PHKA2: variants seen among roughly 807,000 people sequenced by gnomAD.
PHKA2 encodes phosphorylase kinase regulatory subunit alpha 2.
PHKA2 carries 31 observed loss-of-function variants against 102.0 expected under a neutral mutation model. The ratio of observed to expected loss-of-function variants is 0.30; its 90% CI spans 0.23 to 0.41. The LOEUF (loss-of-function observed/expected upper bound fraction) is 0.41, where lower values mean the gene tolerates loss of function less well. PHKA2 is among the 10% of genes least tolerant of loss of function. The pLI, the probability that PHKA2 is intolerant of heterozygous loss-of-function variation, is 1.00. For synonymous variants in PHKA2, 455 were observed against 416.2 expected (o/e 1.09, Z -1.13); for missense variants, 858 against 1,023.1 (o/e 0.84, Z 2.20).
chrX:18,900,432 ATC>A (rs1435136194), intron 28 of PHKA2, among the ~76,000 whole-genome samples: 1 of 111,300 alleles, frequency 9.0e-6, no homozygotes, highest in East Asian at 2.8e-4. Flanking sequence ...AGCCTGGATG[ATC>A]TCTTTCACAA....
chrX:18,954,543 C>A, intron 1 of PHKA2, 131 bp from the exon 2 acceptor site: 1 of 565,213 alleles, frequency 1.8e-6, no homozygotes, highest in South Asian at 2.7e-5. Flanking sequence ...AGTCCTTGCT[C>A]TGCCCCTAAC....
At chrX:18,933,074 A>T (rs781518775) in intron 11 of PHKA2, among the ~76,000 whole-genome samples, 74 of 110,354 alleles carry the variant, frequency 6.7e-4, no homozygotes, top group African/African-American at 2.3e-3. Flanking sequence ...AGATTGTGCC[A>T]ATGCACTCCA....
chrX:18,979,909 G>A (rs1216954286), intron 1 of PHKA2, among the ~76,000 whole-genome samples: 1 of 111,428 alleles, frequency 9.0e-6, no homozygotes, highest in Non-Finnish European at 1.9e-5. Context: ...AAGAAAGAGA[G>A]ATCAGACTGT....
At chrX:18,931,828 G>C (rs2048321003) in intron 11 of PHKA2, 80 bp from the exon 12 acceptor site, 2 of 690,338 alleles carry the variant, frequency 2.9e-6, no homozygotes. Flanking sequence ...AATGCACTGA[G>C]GATTTATGAA....
intron 30 of PHKA2, chrX:18,895,500 G>C (rs928939903): frequency 6.4e-6 from 2 of 312,154 alleles, no homozygotes; most frequent in African/African-American, 2.6e-5. Flanking sequence ...CCGGGCGGCT[G>C]CGAGGCCCCT....
intron 10 of PHKA2, among the ~76,000 whole-genome samples, chrX:18,937,309 G>A (rs984188854): frequency 1.8e-5 from 2 of 111,045 alleles, no homozygotes; most frequent in Non-Finnish European, 3.8e-5. Context: ...CCAAGTAGAA[G>A]CTAAAGAGAT....
chrX:18,943,386 A>T (rs1397677861), intron 7 of PHKA2, among the ~76,000 whole-genome samples: 1 of 112,267 alleles, frequency 8.9e-6, no homozygotes, highest in Non-Finnish European at 1.9e-5. Context: ...CCTGAAAGAA[A>T]ACCATCTATG....
At chrX:18,906,230 C>T (rs1037389711) in intron 25 of PHKA2, among the ~76,000 whole-genome samples, 6 of 112,055 alleles carry the variant, frequency 5.4e-5, no homozygotes, top group East Asian at 5.6e-4. Flanking sequence ...ATGTCGGGTA[C>T]AGGGCGGAAG....
chrX:18,921,587 T>A (rs1481609921), intron 17 of PHKA2, among the ~76,000 whole-genome samples: 1 of 112,324 alleles, frequency 8.9e-6, no homozygotes, highest in Non-Finnish European at 1.9e-5. Context: ...ATAACTATAT[T>A]AATTTTATTT....
chrX:18,948,800 C>T lies in PHKA2; in HGVS notation c.481G>A (p.Glu161Lys). The T allele has an allele frequency of 8.4e-7, 1 of 1,194,066 alleles. No homozygotes were observed. The highest frequency in any genetic ancestry group is 1.1e-6 in the Non-Finnish European group (1 of 880,487). The change falls in exon 5 of 33, where the codon GAG becomes AAG. Residue 161 changes from glutamate (E) to lysine (K), a missense_variant. Glu to Lys is a moderately conservative substitution (Grantham distance 56, BLOSUM62 1). Transcript: ENST00000379942. Reference protein sequence around the residue: ...SGLRIIFTLDEVAFIQNLVFY... With the variant: ...SGLRIIFTLDKVAFIQNLVFY... The stretch of plus-strand genomic sequence containing the variant: ...ACAAGATTCTGTATGAAGGCCACCT[C>T]ATCGAGAGTGAAAATGATACGTAAG...
intron 12 of PHKA2, among the ~76,000 whole-genome samples, chrX:18,929,980 G>A (rs370815741): frequency 1.2e-4 from 14 of 112,520 alleles, no homozygotes; most frequent in African/African-American, 4.5e-4. Context: ...AAAGAGCGCT[G>A]CACAGAAAGG....
In PHKA2 at chrX:18,945,088, C is replaced by T; in HGVS notation, c.608G>A (p.Gly203Glu). Residue 203 changes from glycine (G) to glutamate (E), a missense_variant, in exon 6 of 33, where the codon GGA becomes GAA. Physicochemically the swap from Gly to Glu is moderately conservative, Grantham distance 98. Transcript: ENST00000379942. Reference sequence around the variant, plus strand: ...CAGGACAACTGTCACCTTGGCCATTCCTACGGAGCTTGCATTCAATTCCGG... The same window carrying T: ...CAGGACAACTGTCACCTTGGCCATTTCTACGGAGCTTGCATTCAATTCCGG... ...GIPELNASSV[G>E]MAKAALEAID... is the part of the protein sequence containing the mutation. 1 of 1,187,456 alleles carries T rather than the reference C, an allele frequency of 8.4e-7. No individual in the cohort carries two copies. Among genetic ancestry groups the T allele is most frequent in the Non-Finnish European group, 1.1e-6 (1 of 873,158 alleles).
At chrX:18,947,388 C>T (rs958321801) in intron 5 of PHKA2, among the ~76,000 whole-genome samples, 2 of 112,031 alleles carry the variant, frequency 1.8e-5, no homozygotes, top group African/African-American at 6.5e-5. Flanking sequence ...CCAAACCAGA[C>T]AGAAGCTCGG....
rs190750146 is a variant in PHKA2 at position 18,974,054 on chromosome X, G to A, written c.78+9801C>T. ...GGTGCTGGTGTGCCCTGCTTCCCTC[G>A]TTTTGATGGATGTGCTCCTCTCTAA... is the stretch of plus-strand genomic sequence containing the variant. On this transcript the variant is annotated intron_variant, in intron 1 of 32. Transcript: ENST00000379942. Among the ~76,000 whole-genome samples, 51 of 110,650 alleles carry A rather than the reference G, an allele frequency of 4.6e-4. No homozygotes were observed. In the South Asian group the frequency reaches 5.4e-3, roughly 12 times the overall value.
intron 4 of PHKA2, among the ~76,000 whole-genome samples, chrX:18,949,244 T>C (rs898511294): frequency 1.2e-4 from 13 of 111,109 alleles, no homozygotes; most frequent in Non-Finnish European, 2.5e-4. Flanking sequence ...AGACAGGGAG[T>C]CCCCAGCTCC....
At chrX:18,912,154 T>C (rs5955666) in intron 19 of PHKA2, among the ~76,000 whole-genome samples, 39,979 of 111,842 alleles carry the variant, frequency 0.36, 9,050 homozygotes, top group African/African-American at 0.85. Flanking sequence ...CCAGGTTATA[T>C]TTGTGAATTG....
Position 18,926,538 on chromosome X carries a change from G to C in PHKA2, c.1374C>G (p.His458Gln). The C allele has an allele frequency of 8.3e-7, 1 of 1,204,582 alleles. No homozygotes were observed. The highest frequency in any genetic ancestry group is 1.1e-6 in the Non-Finnish European group (1 of 888,722). The change falls in exon 14 of 33, where the codon CAC becomes CAG. Residue 458 changes from histidine to glutamine, a missense_variant. Coordinates refer to ENST00000379942, the MANE Select transcript of PHKA2 (RefSeq NM_000292.3). ...NNHIKDLLRKHGVNVQSIADI... is the reference protein window; with the variant it reads ...NNHIKDLLRKQGVNVQSIADI... ...CCGCGATACTCTGGACGTTCACCCC[G>C]TGTTTCCTCAATAAGTCCTTAATGT...
At chrX:18,969,669 C>T (rs773762856) in intron 1 of PHKA2, among the ~76,000 whole-genome samples, 6 of 111,362 alleles carry the variant, frequency 5.4e-5, no homozygotes, top group South Asian at 3.8e-4. Context: ...TCACATCTTA[C>T]GAATGGGATG....
At chrX:18,979,779 ATAATT>A (rs1314806053) in intron 1 of PHKA2, among the ~76,000 whole-genome samples, 5 of 111,049 alleles carry the variant, frequency 4.5e-5, no homozygotes, top group Non-Finnish European at 7.6e-5. Context: ...AGCTTAACTA[ATAATT>A]TAATTTAATA....
Sources: gnomAD v4.1 joint callset for allele counts (sites outside exome capture counted in the v4.1 genomes callset) on GRCh38, gnomAD v4.1.1 for gene constraint, MANE v1.5 for transcripts, NCBI Gene and HGNC (gene_info 2026-07-23, HGNC 2026-07-21) for gene names.